IDH3B: variants seen among roughly 807,000 people sequenced by gnomAD.
The protein encoded by IDH3B is isocitrate dehydrogenase [NAD] subunit beta, mitochondrial.
IDH3B carries 40 observed loss-of-function variants against 47.5 expected under a neutral mutation model. The ratio of observed to expected loss-of-function variants is 0.84; its 90% CI spans 0.65 to 1.10. The LOEUF (loss-of-function observed/expected upper bound fraction) is 1.10, where lower values mean the gene tolerates loss of function less well. Among genes scored for constraint, IDH3B ranks in the 50% least tolerant of loss-of-function variants. The pLI is 0.00. For synonymous variants in IDH3B, 185 were observed against 191.0 expected (o/e 0.97, Z 0.26); for missense variants, 450 against 505.2 (o/e 0.89, Z 1.05).
At position 2,660,216 on chromosome 20, in the gene IDH3B, C is replaced by T; in HGVS notation, c.769-40G>A. The T allele has an allele frequency of 1.2e-6, 2 of 1,614,046 alleles. No individual in the cohort carries two copies. Among genetic ancestry groups the T allele is most frequent in the East Asian group, 2.2e-5 (1 of 44,878 alleles). On this transcript the variant is annotated intron_variant, in intron 8 of 11. Coordinates refer to ENST00000380843, the MANE Select transcript of IDH3B (RefSeq NM_006899.5). This position sits in a 1 kb window ranked among gnomAD's most constrained non-coding sequence, Gnocchi z 5.6. Reference sequence around the variant, plus strand: ...GCAGGCATGAAGTAAATTCCACTCCCCACCCTCCTCCTCCGCCCCATGAGT... The same window carrying T: ...GCAGGCATGAAGTAAATTCCACTCCTCACCCTCCTCCTCCGCCCCATGAGT...
chr20:2,658,945 GA>G lies in IDH3B; in HGVS notation c.1072-109del, dbSNP rs765642736. On this transcript the variant is annotated intron_variant, in intron 11 of 11. Transcript: ENST00000380843. ...GGAAGCCAAGAATGCGTGACAGCCA[GA>G]AAAAAGGCAATGCACAGGAATGGAA... The G allele has an allele frequency of 1.3e-5, 20 of 1,548,410 alleles. No individual in the cohort carries two copies. In the Admixed American group the frequency reaches 3.7e-4, roughly 29 times the overall value.
At position 2,658,738 on chromosome 20, in the gene IDH3B, G is replaced by GAAAT. The variant is rs1568546094; in HGVS notation, c.*9_*12dup. On this transcript the variant is annotated 3_prime_UTR_variant, in exon 12 of 12. Coordinates refer to ENST00000380843, the MANE Select transcript of IDH3B (RefSeq NM_006899.5). Reference sequence around the variant, plus strand: ...GAGTGTGGTCCTTGCAAGGTTGGAAGAAATAAAGGGCTCTAGCTCCCTTTA... The same window carrying GAAAT: ...GAGTGTGGTCCTTGCAAGGTTGGAAGAAATAAATAAAGGGCTCTAGCTCCCTTTA... 6.2e-7 allele frequency: 1 copy of GAAAT among 1,614,198 alleles called. No individual in the cohort carries two copies. The highest frequency in any genetic ancestry group is 1.7e-5 in the Admixed American group (1 of 60,022).
At position 2,658,574 on chromosome 20, in the gene IDH3B, T is replaced by TCCC; in HGVS notation, c.*174_*176dup. The TCCC allele has an allele frequency of 6.2e-7, 1 of 1,612,214 alleles. No homozygotes were observed. The highest frequency in any genetic ancestry group is 8.5e-7 in the Non-Finnish European group (1 of 1,179,168). On this transcript the variant is annotated 3_prime_UTR_variant, in exon 12 of 12. Coordinates refer to ENST00000380843, the MANE Select transcript of IDH3B (RefSeq NM_006899.5). ...TGTGGCCTGGGCTCCATCCTAACAATCCCCATCACCACCCAACAGTCTGTC... is the reference window on the plus strand; with the variant it reads ...TGTGGCCTGGGCTCCATCCTAACAATCCCCCCCATCACCACCCAACAGTCTGTC...
rs2086910088 is a variant in IDH3B, at chr20:2,659,974, G to C, written c.915+56C>G. On this transcript the variant is annotated intron_variant, in intron 9 of 11. Transcript: ENST00000380843. Reference sequence around the variant, plus strand: ...TTAGGAAGTGGAGATATTGGGATGGGAGAGGAATGGCGGACTTGAGGTCAG... The same window carrying C: ...TTAGGAAGTGGAGATATTGGGATGGCAGAGGAATGGCGGACTTGAGGTCAG... 3 of 1,608,838 alleles carry C rather than the reference G, an allele frequency of 1.9e-6. No individual in the cohort carries two copies. The Admixed American group carries it at 5.0e-5, about 27-fold the overall frequency.
Position 2,658,527 on chromosome 20 carries a change from G to A in IDH3B, c.*224C>T. 2 of 1,613,820 alleles carry A rather than the reference G, an allele frequency of 1.2e-6. No homozygotes were observed. The highest frequency in any genetic ancestry group is 1.1e-5 in the South Asian group (1 of 90,980). The stretch of plus-strand genomic sequence containing the variant: ...ACCCATGTCAGAGGTTCGAACCTGT[G>A]GGGGAGAATCATCATCATCCATGTG... On this transcript the variant is annotated 3_prime_UTR_variant, in exon 12 of 12. Transcript: ENST00000380843.
intron 11 of IDH3B, chr20:2,659,301 A>C: frequency 6.7e-7 from 1 of 1,491,892 alleles, no homozygotes; most frequent in South Asian, 1.3e-5. Context: ...AAGAGGGAAC[A>C]GCAGATGGGA....
At position 2,660,456 on chromosome 20, in the gene IDH3B, C is replaced by T. The variant is rs751478851; in HGVS notation, c.665+1G>A. 2 of 1,614,124 alleles carry T rather than the reference C, an allele frequency of 1.2e-6. No homozygotes were observed. Among genetic ancestry groups the T allele is most frequent in the Non-Finnish European group, 1.7e-6 (2 of 1,180,028 alleles). Reference sequence around the variant, plus strand: ...ATCCTACACAAAGCCATGCCCCTCACATGATGTTGGCCTTGTGGACAGCAG... The same window carrying T: ...ATCCTACACAAAGCCATGCCCCTCATATGATGTTGGCCTTGTGGACAGCAG... On this transcript the variant is annotated splice_donor_variant, in intron 7 of 11. Transcript: ENST00000380843. LOFTEE classifies it high-confidence loss of function. This position sits in a 1 kb window ranked among gnomAD's most constrained non-coding sequence, Gnocchi z 5.6.
At chr20:2,659,175 C>T (rs140228096) in intron 11 of IDH3B, 29 of 1,193,394 alleles carry the variant, frequency 2.4e-5, no homozygotes, top group South Asian at 6.2e-5. Flanking sequence ...GGAGATGGGG[C>T]GTGAAGGTGA....
At chr20:2,661,608 T>C (rs2086949400) in intron 4 of IDH3B, among the ~76,000 whole-genome samples, 1 of 152,354 alleles carries the variant, frequency 6.6e-6, no homozygotes, top group East Asian at 1.9e-4. Flanking sequence ...TGCCTTCTCC[T>C]TATTTGACAT....
chr20:2,664,107 C>T (rs767514702), intron 1 of IDH3B, 46 bp downstream of exon 1: 5 of 1,607,770 alleles, frequency 3.1e-6, no homozygotes, highest in Non-Finnish European at 4.2e-6. Flanking sequence ...AGGACAAACT[C>T]TCCGCTCCTT....
At chr20:2,659,170 TG>T (rs1385011426) in intron 11 of IDH3B, 1 of 1,182,998 alleles carries the variant, frequency 8.5e-7, no homozygotes, top group African/African-American at 2.6e-5. Context: ...GAAAAGGAGA[TG>T]GGGCGTGAAG....
At chr20:2,662,404 TG>T (rs2086963894) in intron 4 of IDH3B, among the ~76,000 whole-genome samples, 1 of 152,156 alleles carries the variant, frequency 6.6e-6, no homozygotes, top group Admixed American at 6.5e-5. Flanking sequence ...GACTTTCCTA[TG>T]GTAAGGCTGG....
chr20:2,660,558 A>G lies in IDH3B; in HGVS notation c.564T>C (p.Ile188=), dbSNP rs751451712. 6.2e-7 allele frequency: 1 copy of G among 1,614,138 alleles called. No homozygotes were observed. The highest frequency in any genetic ancestry group is 8.5e-7 in the Non-Finnish European group (1 of 1,180,038). Reference sequence around the variant, plus strand: ...TCCGCTGAGACTTGGCTCGTGTGACAATCTTCAAACACTCAATCACACCCC... The same window carrying G: ...TCCGCTGAGACTTGGCTCGTGTGACGATCTTCAAACACTCAATCACACCCC... ...SARGVIECLK[I]VTRAKSQRIA... Residue 188 remains isoleucine, a synonymous_variant, in exon 7 of 12, where the codon ATT becomes ATC. Coordinates refer to ENST00000380843, the MANE Select transcript of IDH3B (RefSeq NM_006899.5). This position sits in a 1 kb window ranked among gnomAD's most constrained non-coding sequence, Gnocchi z 5.6.
rs200163612 is a variant in IDH3B, at chr20:2,658,429, G to A, written c.*322C>T. On this transcript the variant is annotated 3_prime_UTR_variant, in exon 12 of 12. Coordinates refer to ENST00000380843, the MANE Select transcript of IDH3B (RefSeq NM_006899.5). ...GTTCTTTATTGAACACCTTACATGGGTATGGACAGGGCCTATGGGTGGGGC... is the reference window on the plus strand; with the variant it reads ...GTTCTTTATTGAACACCTTACATGGATATGGACAGGGCCTATGGGTGGGGC... 1.2e-6 allele frequency: 2 copies of A among 1,613,980 alleles called. No homozygotes were observed. Among genetic ancestry groups the A allele is most frequent in the East Asian group, 2.2e-5 (1 of 44,884 alleles).
chr20:2,659,874 G>A, intron 9 of IDH3B, 81 bp from the exon 10 acceptor site: 1 of 1,426,600 alleles, frequency 7.0e-7, no homozygotes, highest in Non-Finnish European at 9.9e-7. Context: ...GGACATTATG[G>A]GAGGGGGAGC....
Position 2,660,253 on chromosome 20 carries a change from G to C in IDH3B, c.768+10C>G. 1 of 1,614,116 alleles carries C rather than the reference G, an allele frequency of 6.2e-7. No homozygotes were observed. Reference sequence around the variant, plus strand: ...TCCGCCCCATGAGTAGAGATGTGGGGAGGCCTCACCTGCATGCAGCAGTTG... The same window carrying C: ...TCCGCCCCATGAGTAGAGATGTGGGCAGGCCTCACCTGCATGCAGCAGTTG... On this transcript the variant is annotated intron_variant, in intron 8 of 11. Transcript: ENST00000380843. This position sits in a 1 kb window ranked among gnomAD's most constrained non-coding sequence, Gnocchi z 5.6.
chr20:2,659,593 T>A lies in IDH3B; in HGVS notation c.1011-8A>T, dbSNP rs781548770. ...CTGGAGTGATACTCAAGACTGTGGA[T>A]ATGGACAGGAAGAAACTGTGACTCC... On this transcript the variant is annotated splice_polypyrimidine_tract_variant and splice_region_variant and intron_variant, in intron 10 of 11. Transcript: ENST00000380843. The A allele has an allele frequency of 7.4e-6, 12 of 1,614,102 alleles. No homozygotes were observed. The East Asian group carries it at 2.7e-4, about 36-fold the overall frequency.
intron 4 of IDH3B, 133 bp from the exon 5 acceptor site, chr20:2,661,102 T>G (rs1269721643): frequency 1.3e-6 from 1 of 777,144 alleles, no homozygotes; most frequent in African/African-American, 1.7e-5. Flanking sequence ...AGTAAACTTT[T>G]AAATTGTCTC....
chr20:2,660,583 CT>C lies in IDH3B; in HGVS notation c.538del (p.Arg180GlyfsTer3), dbSNP rs1568548810. On this transcript the variant is annotated frameshift_variant, in exon 7 of 12. Coordinates refer to ENST00000380843, the MANE Select transcript of IDH3B (RefSeq NM_006899.5). LOFTEE classifies it high-confidence loss of function. The surrounding 1 kb of genome is among the most constrained non-coding windows in gnomAD (Gnocchi z 5.6). ...AATCTTCAAACACTCAATCACACCCCTTGCACTCTGGGTAAGAAGAAAGCAG... is the reference window on the plus strand; with the variant it reads ...AATCTTCAAACACTCAATCACACCCCTGCACTCTGGGTAAGAAGAAAGCAG... ...EYSSLEHESARGVIECLKIVT... is the reference protein window; with the variant it reads ...EYSSLEHESAXGVIECLKIVT... 6.2e-7 allele frequency: 1 copy of C among 1,614,036 alleles called. No homozygotes were observed.
Sources: gnomAD v4.1 joint callset for allele counts (sites outside exome capture counted in the v4.1 genomes callset) on GRCh38, gnomAD v4.1.1 for gene constraint, Gnocchi (gnomAD v3.1) non-coding constraint, MANE v1.5 for transcripts, NCBI Gene and HGNC (gene_info 2026-07-23, HGNC 2026-07-21) for gene names.